The following LRP1B variants were observed in gnomAD, a reference collection of about 807,000 sequenced individuals.
LRP1B encodes LDL receptor related protein 1B.
In LRP1B, 217 loss-of-function variants were observed where a neutral mutation model predicts 556.6. That is an observed-to-expected ratio of 0.39 (90% CI 0.35 to 0.44). The LOEUF (loss-of-function observed/expected upper bound fraction) is 0.44. LRP1B is among the 20% of genes least tolerant of loss of function. LRP1B has a pLI of 1.00. For missense variants in LRP1B, 5,053 were observed against 5,620.8 expected (o/e 0.90, Z 3.23); for synonymous variants, 2,047 against 1,865.8 (o/e 1.10, Z -2.50).
chr2:140,957,454 G>A lies in LRP1B; in HGVS notation c.2888-5514C>T, dbSNP rs553922023. On this transcript the variant is annotated intron_variant, in intron 18 of 90. Coordinates refer to ENST00000389484, the MANE Select transcript of LRP1B (RefSeq NM_018557.3). ...TATTTAAATGACAAAGTATTAGAAAGTCAAAGAGAACACCTAGGAAGTACA... is the reference window on the plus strand; with the variant it reads ...TATTTAAATGACAAAGTATTAGAAAATCAAAGAGAACACCTAGGAAGTACA... Among the ~76,000 whole-genome samples the A allele has an allele frequency of 1.9e-4, 29 of 151,684 alleles. 1 individual carries two copies. In the South Asian group the frequency reaches 5.8e-3, roughly 30 times the overall value.
intron 1 of LRP1B, among the ~76,000 whole-genome samples, chr2:142,107,244 A>G (rs1213201233): frequency 6.6e-6 from 1 of 152,218 alleles, no homozygotes; most frequent in Non-Finnish European, 1.5e-5. Flanking sequence ...TATATATTAG[A>G]AACTTAATTC....
At chr2:141,094,162 A>ATT (rs1189187441) in intron 7 of LRP1B, among the ~76,000 whole-genome samples, 1 of 152,184 alleles carries the variant, frequency 6.6e-6, no homozygotes, top group African/African-American at 2.4e-5. Flanking sequence ...GTCTATGGCT[A>ATT]TTTACACACA....
chr2:141,624,036 C>CAAAAAAAAAAAA, intron 2 of LRP1B, among the ~76,000 whole-genome samples: 22 of 90,728 alleles, frequency 2.4e-4, no homozygotes, highest in African/African-American at 3.3e-4. Flanking sequence ...AAAAATTAAA[C>CAAAAAAAAAAAA]AAAAAAAAAA....
At chr2:141,038,865 T>C (rs910414483) in intron 11 of LRP1B, among the ~76,000 whole-genome samples, 3 of 151,522 alleles carry the variant, frequency 2.0e-5, no homozygotes, top group Admixed American at 6.6e-5. Flanking sequence ...TATTTCTTTA[T>C]TTTAATTCAT....
intron 37 of LRP1B, among the ~76,000 whole-genome samples, chr2:140,715,290 G>T (rs577272442): frequency 6.6e-6 from 1 of 152,084 alleles, no homozygotes; most frequent in African/African-American, 2.4e-5. Context: ...GTGAGTTTAG[G>T]AGACAGACTG....
chr2:141,989,134 A>G (rs1702276273), intron 1 of LRP1B, among the ~76,000 whole-genome samples: 1 of 152,106 alleles, frequency 6.6e-6, no homozygotes, highest in Admixed American at 6.6e-5. Context: ...ATATGGCTAA[A>G]AATGTAACAA....
intron 58 of LRP1B, 25 bp from the exon 59 acceptor site, chr2:140,485,549 T>G (rs537925302): frequency 6.4e-7 from 1 of 1,572,586 alleles, no homozygotes; most frequent in South Asian, 1.1e-5. Context: ...TTTAAAAGGT[T>G]AACAGCGTAA....
intron 7 of LRP1B, among the ~76,000 whole-genome samples, chr2:141,080,665 C>T (rs1459319027): frequency 6.6e-6 from 1 of 152,138 alleles, no homozygotes; most frequent in Non-Finnish European, 1.5e-5. Context: ...ATACAAAAGA[C>T]ACCGTCAGAT....
intron 2 of LRP1B, among the ~76,000 whole-genome samples, chr2:141,528,644 G>T (rs1434700071): frequency 6.6e-6 from 1 of 151,990 alleles, no homozygotes; most frequent in Non-Finnish European, 1.5e-5. Context: ...TACACAATTT[G>T]GAAACTTCCT....
intron 1 of LRP1B, among the ~76,000 whole-genome samples, chr2:141,942,475 A>C (rs761977507): frequency 2.0e-5 from 3 of 152,140 alleles, no homozygotes; most frequent in Non-Finnish European, 4.4e-5. Context: ...TGACAAGAGA[A>C]CACAATTTGT....
At chr2:141,890,123 T>G (rs943269260) in intron 1 of LRP1B, among the ~76,000 whole-genome samples, 2 of 151,970 alleles carry the variant, frequency 1.3e-5, no homozygotes, top group Non-Finnish European at 2.9e-5. Context: ...TATCTTATTT[T>G]AGATGTTAAC....
intron 35 of LRP1B, among the ~76,000 whole-genome samples, chr2:140,743,993 T>TAAAAAAAAAAAAAAAAAAAAAAAA: frequency 1.4e-4 from 1 of 7,162 alleles, no homozygotes; most frequent in Non-Finnish European, 3.7e-4. Context: ...AAAAAAAAAG[T>TAAAAAAAAAAAAAAAAAAAAAAAA]AAAAAGTAAA....
At chr2:140,861,637 G>A (rs1383795174) in intron 27 of LRP1B, among the ~76,000 whole-genome samples, 1 of 152,146 alleles carries the variant, frequency 6.6e-6, no homozygotes, top group Non-Finnish European at 1.5e-5. Context: ...GAACAATCTA[G>A]TTCTATTTAG....
At chr2:141,636,890 C>T (rs1368548734) in intron 2 of LRP1B, among the ~76,000 whole-genome samples, 1 of 152,018 alleles carries the variant, frequency 6.6e-6, no homozygotes, top group Non-Finnish European at 1.5e-5. Flanking sequence ...TTCCATACTG[C>T]ATACATATGT....
intron 32 of LRP1B, among the ~76,000 whole-genome samples, chr2:140,782,760 A>T (rs1422078962): frequency 2.0e-5 from 3 of 152,234 alleles, no homozygotes; most frequent in African/African-American, 7.2e-5. Context: ...GAGAGAAGGA[A>T]AATAATATTT....
intron 41 of LRP1B, among the ~76,000 whole-genome samples, chr2:140,689,438 G>A (rs551660314): frequency 6.6e-6 from 1 of 152,220 alleles, no homozygotes; most frequent in African/African-American, 2.4e-5. Context: ...GAGTCTCTTT[G>A]AATCTGCTGT....
At chr2:141,463,059 T>C (rs1681947022) in intron 3 of LRP1B, among the ~76,000 whole-genome samples, 1 of 152,196 alleles carries the variant, frequency 6.6e-6, no homozygotes, top group African/African-American at 2.4e-5. Context: ...ACAAAGACAG[T>C]TGGATGACCC....
intron 3 of LRP1B, among the ~76,000 whole-genome samples, chr2:141,467,890 T>C (rs895343334): frequency 2.9e-4 from 44 of 150,186 alleles, no homozygotes; most frequent in Non-Finnish European, 5.8e-4. Context: ...TCCCTAGAAG[T>C]TGTTCTGCAA....
intron 2 of LRP1B, among the ~76,000 whole-genome samples, chr2:141,517,462 G>A (rs1684368034): frequency 6.6e-6 from 1 of 152,144 alleles, no homozygotes. Flanking sequence ...GATTCTGTCT[G>A]TGGAAATCAC....
Sources: gnomAD v4.1 joint callset for allele counts (sites outside exome capture counted in the v4.1 genomes callset) on GRCh38, gnomAD v4.1.1 for gene constraint, MANE v1.5 for transcripts, NCBI Gene and HGNC (gene_info 2026-07-23, HGNC 2026-07-21) for gene names.